Variants in CPQ observed in about 807,000 individuals in gnomAD.
CPQ encodes Ser-Met dipeptidase.
Under a neutral mutation model 45.7 loss-of-function variants are expected in CPQ, and 37 were observed. That is an observed-to-expected ratio of 0.81 (90% CI 0.62 to 1.07). The LOEUF (loss-of-function observed/expected upper bound fraction) is 1.07. Among genes scored for constraint, CPQ ranks in the 50% least tolerant of loss-of-function variants. The pLI, the probability that CPQ is intolerant of heterozygous loss-of-function variation, is 0.00. For missense variants in CPQ, 537 were observed against 572.9 expected (o/e 0.94, Z 0.64); for synonymous variants, 186 against 205.8 (o/e 0.90, Z 0.82).
chr8:97,047,264 GCC>G (rs1168943329), intron 6 of CPQ, among the ~76,000 whole-genome samples: 2 of 152,202 alleles, frequency 1.3e-5, no homozygotes, highest in Non-Finnish European at 2.9e-5. Flanking sequence ...GCATAGCACA[GCC>G]CATAAGGTGC....
At chr8:97,067,696 T>C (rs562680591) in intron 7 of CPQ, among the ~76,000 whole-genome samples, 49 of 152,364 alleles carry the variant, frequency 3.2e-4, no homozygotes, top group African/African-American at 1.1e-3. Context: ...TGTACTCTAA[T>C]AGAAAGACCA....
chr8:97,119,294 A>C (rs28670304), intron 7 of CPQ, among the ~76,000 whole-genome samples: 30 of 139,910 alleles, frequency 2.1e-4, no homozygotes, highest in Admixed American at 1.4e-3. Flanking sequence ...GTGCCACTGC[A>C]CTCCAGCCTG....
intron 1 of CPQ, among the ~76,000 whole-genome samples, chr8:96,671,681 G>A (rs1016102597): frequency 1.3e-5 from 2 of 152,076 alleles, no homozygotes; most frequent in African/African-American, 4.8e-5. Flanking sequence ...AGGATCATTT[G>A]AAAAATCTGC....
intron 3 of CPQ, among the ~76,000 whole-genome samples, chr8:96,863,388 C>T (rs1179074387): frequency 6.6e-6 from 1 of 151,858 alleles, no homozygotes; most frequent in African/African-American, 2.4e-5. Context: ...TAGGGGAAGA[C>T]ATTTTCAAGG....
intron 1 of CPQ, among the ~76,000 whole-genome samples, chr8:96,722,439 A>C (rs771546627): frequency 1.3e-5 from 2 of 151,794 alleles, no homozygotes; most frequent in Non-Finnish European, 2.9e-5. Flanking sequence ...TTCACATATT[A>C]TCTATCTATG....
chr8:97,004,483 G>A lies in CPQ; in HGVS notation c.962-24920G>A, dbSNP rs116343816. ...TAATTTGGTACCAACTATTTAAAAA[G>A]CAATTTGGCAATACTGTATACATCA... On this transcript the variant is annotated intron_variant, in intron 5 of 7. Coordinates refer to ENST00000220763, the MANE Select transcript of CPQ (RefSeq NM_016134.4). Among the ~76,000 whole-genome samples the A allele has an allele frequency of 1.9e-3, 289 of 151,970 alleles. 1 individual carries two copies. Among genetic ancestry groups the A allele is most frequent in the African/African-American group, 6.7e-3 (278 of 41,476 alleles).
intron 4 of CPQ, among the ~76,000 whole-genome samples, chr8:96,922,140 C>A (rs774088405): frequency 6.6e-6 from 1 of 152,006 alleles, no homozygotes; most frequent in Non-Finnish European, 1.5e-5. Flanking sequence ...TCTTGTGTGA[C>A]AACACAGAGT....
intron 1 of CPQ, among the ~76,000 whole-genome samples, chr8:96,658,320 T>C (rs2130709589): frequency 6.6e-6 from 1 of 152,362 alleles, no homozygotes; most frequent in African/African-American, 2.4e-5. Flanking sequence ...TGTGGCTTAA[T>C]GGTTAAGAAC....
At chr8:96,832,872 C>T (rs1435593118) in intron 2 of CPQ, among the ~76,000 whole-genome samples, 1 of 152,168 alleles carries the variant, frequency 6.6e-6, no homozygotes, top group East Asian at 1.9e-4. Flanking sequence ...GCAGATCTGA[C>T]TCTTCAGTAG....
chr8:96,844,375 G>A (rs991999931), intron 3 of CPQ, among the ~76,000 whole-genome samples: 1 of 152,144 alleles, frequency 6.6e-6, no homozygotes, highest in Non-Finnish European at 1.5e-5. Context: ...TAGGTGCCTG[G>A]AGAAAGTACC....
intron 4 of CPQ, among the ~76,000 whole-genome samples, chr8:96,902,674 G>A (rs1262974795): frequency 6.6e-6 from 1 of 152,168 alleles, no homozygotes; most frequent in African/African-American, 2.4e-5. Flanking sequence ...CGGTCAGCAA[G>A]TTCCAACTTG....
At chr8:96,727,682 T>C (rs1244730525) in intron 1 of CPQ, among the ~76,000 whole-genome samples, 2 of 152,072 alleles carry the variant, frequency 1.3e-5, no homozygotes, top group Non-Finnish European at 2.9e-5. Context: ...CCTTAAACGA[T>C]GGGTGACACA....
At chr8:97,092,707 A>G (rs747064112) in intron 7 of CPQ, 1 of 152,188 alleles carries the variant, frequency 6.6e-6, no homozygotes, top group Non-Finnish European at 1.5e-5. Context: ...AAAACCTAAA[A>G]TTATAAAAAT....
chr8:96,987,429 A>G (rs73279896), intron 5 of CPQ, among the ~76,000 whole-genome samples: 2,566 of 152,280 alleles, frequency 0.017, 71 homozygotes, highest in African/African-American at 0.057. Context: ...AAGTATAACT[A>G]TGACTAAAGA....
rs995692859 is a variant in CPQ at position 96,733,376 on chromosome 8, A to G, written c.-34-51488A>G. ...ATTGGTGAAGAGGTGAAATTTGTAG[A>G]TGAGGGATTTTAATCCTTCACTTTG... On this transcript the variant is annotated intron_variant, in intron 1 of 7. Transcript: ENST00000220763. Among the ~76,000 whole-genome samples the G allele has an allele frequency of 3.8e-4, 58 of 152,186 alleles. 1 individual carries two copies. Among genetic ancestry groups the G allele is most frequent in the African/African-American group, 1.4e-3 (57 of 41,460 alleles).
chr8:96,854,557 A>AAAAAAAAAAC lies in CPQ; in HGVS notation c.641+19379_641+19380insAAAAAAACAA, dbSNP rs1554573253. Among the ~76,000 whole-genome samples the AAAAAAAAAAC allele has an allele frequency of 3.5e-4, 27 of 76,886 alleles. 6 individuals carry two copies. The highest frequency in any genetic ancestry group is 1.3e-3 in the African/African-American group (27 of 20,038). The allele number at this position is 76,886 out of a possible 152,430, so 50.4% of individuals were successfully genotyped here. ...AAAAAAAAAAAAAAAAAAAAAAAAA[A>AAAAAAAAAAC]AATGTGGTGGAACTAAAAGCCCAGT... On this transcript the variant is annotated intron_variant, in intron 3 of 7. Transcript: ENST00000220763.
Position 96,732,837 on chromosome 8 carries a change from C to T in CPQ, c.-34-52027C>T, listed in dbSNP as rs540609722. ...ATGGCTCTGAGGTAATCAGAGTTCA[C>T]TTGTCCACAACTTGCCATTGAAAGG... On this transcript the variant is annotated intron_variant, in intron 1 of 7. Transcript: ENST00000220763. Among the ~76,000 whole-genome samples the T allele has an allele frequency of 1.1e-3, 171 of 152,296 alleles. 2 individuals carry two copies. The highest frequency in any genetic ancestry group is 3.9e-3 in the African/African-American group (163 of 41,558).
intron 1 of CPQ, among the ~76,000 whole-genome samples, chr8:96,715,426 C>T (rs1318491315): frequency 1.3e-5 from 2 of 152,196 alleles, no homozygotes; most frequent in Non-Finnish European, 2.9e-5. Context: ...GGGATTGTGA[C>T]TCTACTCCTT....
chr8:97,061,432 A>G (rs1343483118), intron 6 of CPQ, among the ~76,000 whole-genome samples: 1 of 152,138 alleles, frequency 6.6e-6, no homozygotes, highest in Non-Finnish European at 1.5e-5. Context: ...GTGGCCTGAC[A>G]GAAGTGACTT....
Sources: allele counts gnomAD v4.1 joint callset (sites outside exome capture counted in the v4.1 genomes callset), GRCh38; gene constraint gnomAD v4.1.1; transcripts MANE v1.5; gene names NCBI Gene and HGNC (gene_info 2026-07-23, HGNC 2026-07-21).